LRRFIP2: variants seen among roughly 807,000 people sequenced by gnomAD.
The protein encoded by LRRFIP2 is leucine-rich repeat flightless-interacting protein 2.
Under a neutral mutation model 125.9 loss-of-function variants are expected in LRRFIP2, and 109 were observed. The observed-to-expected ratio is 0.87, with a 90% CI of 0.74 to 1.01. The LOEUF is 1.01. Among genes scored for constraint, LRRFIP2 ranks in the 50% least tolerant of loss-of-function variants. The probability of loss-of-function intolerance (pLI) is 0.00; values close to 1 mark genes in which losing one functional copy is unlikely to be tolerated. For synonymous variants in LRRFIP2, 291 were observed against 293.1 expected, an observed-to-expected ratio of 0.99 and a Z score of 0.07; for missense variants, 850 against 862.3, an observed-to-expected ratio of 0.99 and a Z score of 0.18.
At chr3:37,078,537 G>T (rs1428763300) in intron 19 of LRRFIP2, among the ~76,000 whole-genome samples, 1 of 152,126 alleles carries the variant, frequency 6.6e-6, no homozygotes, top group Non-Finnish European at 1.5e-5. Context: ...TAAGACAGAA[G>T]AGGTTAAATA....
chr3:37,150,707 C>T (rs1038794988), intron 1 of LRRFIP2, among the ~76,000 whole-genome samples: 8 of 152,020 alleles, frequency 5.3e-5, no homozygotes, highest in Non-Finnish European at 8.8e-5. Context: ...CTAAATATTC[C>T]ATAACTTAAA....
At chr3:37,063,681 C>A in intron 24 of LRRFIP2, 61 bp downstream of exon 24, 1 of 1,182,474 alleles carries the variant, frequency 8.5e-7, no homozygotes, top group Non-Finnish European at 1.3e-6. Flanking sequence ...TTTCAATTAG[C>A]CAGTATTTTA....
chr3:37,173,848 G>C (rs1578189182), intron 1 of LRRFIP2, among the ~76,000 whole-genome samples: 1 of 152,204 alleles, frequency 6.6e-6, no homozygotes, highest in East Asian at 1.9e-4. Context: ...GAGAGACAGA[G>C]ATACTTTGCC....
In LRRFIP2 at chr3:37,075,046, C is replaced by T. The variant is rs756084177; in HGVS notation, c.1349G>A (p.Arg450Gln). ...TACCTCAATAAGCTCATCTCTTTGC[C>T]GCAGGCCTTCTTTAAGTTCTTCCAT... ...HKMEELKEGL[R>Q]QRDELIEEKQ... The change falls in exon 20 of 28, where the codon CGG becomes CAG. Residue 450 changes from arginine to glutamine, a missense_variant. Coordinates refer to ENST00000336686, the MANE Select transcript of LRRFIP2 (RefSeq NM_006309.4). 35 of 1,612,488 alleles carry T rather than the reference C, an allele frequency of 2.2e-5. No homozygotes were observed. Among genetic ancestry groups the T allele is most frequent in the Middle Eastern group, 1.6e-4 (1 of 6,080 alleles).
chr3:37,101,140 G>A (rs915363101), intron 15 of LRRFIP2, among the ~76,000 whole-genome samples: 3 of 151,586 alleles, frequency 2.0e-5, no homozygotes, highest in African/African-American at 7.3e-5. Flanking sequence ...GGTGGACCAT[G>A]AGGTCAGGAG....
intron 8 of LRRFIP2, among the ~76,000 whole-genome samples, chr3:37,112,456 T>C (rs1371221450): frequency 6.6e-6 from 1 of 151,370 alleles, no homozygotes; most frequent in East Asian, 1.9e-4. Context: ...GGTTAAAGAG[T>C]TTTCAGCAAG....
chr3:37,105,402 C>T (rs2094267959), intron 14 of LRRFIP2, 53 bp downstream of exon 14: 6 of 1,373,122 alleles, frequency 4.4e-6, no homozygotes, highest in East Asian at 4.6e-5. Flanking sequence ...TGTGATCATG[C>T]ATTGCTGTCA....
At chr3:37,129,266 T>C (rs2095364473) in intron 2 of LRRFIP2, 117 bp from the exon 3 acceptor site, 2 of 763,890 alleles carry the variant, frequency 2.6e-6, no homozygotes, top group East Asian at 2.5e-5. Context: ...GGAGAAGATA[T>C]TATCTATCAG....
chr3:37,161,994 A>C (rs1479597823), intron 1 of LRRFIP2, among the ~76,000 whole-genome samples: 1 of 151,572 alleles, frequency 6.6e-6, no homozygotes, highest in Non-Finnish European at 1.5e-5. Flanking sequence ...CCTGGACAAC[A>C]TGGCAAAACC....
intron 21 of LRRFIP2, among the ~76,000 whole-genome samples, chr3:37,070,717 G>C (rs1466164588): frequency 6.6e-6 from 1 of 152,092 alleles, no homozygotes; most frequent in African/African-American, 2.4e-5. Context: ...GGGAGAGAGA[G>C]AGATTCCATC....
chr3:37,053,896 C>T lies in LRRFIP2; in HGVS notation c.2121G>A (p.Leu707=), dbSNP rs2086045977. 1 of 1,614,174 alleles carries T rather than the reference C, an allele frequency of 6.2e-7. No homozygotes were observed. Among genetic ancestry groups the T allele is most frequent in the Middle Eastern group, 1.7e-4 (1 of 6,058 alleles). ...EMTNSHLAKR[L]EKMKANRTAL... is the part of the protein sequence containing the mutation. Reference sequence around the variant, plus strand: ...CTGTCCTATTGGCCTTCATCTTCTCCAGCCGCTTGGCCAGGTGGCTGTTGG... The same window carrying T: ...CTGTCCTATTGGCCTTCATCTTCTCTAGCCGCTTGGCCAGGTGGCTGTTGG... Residue 707 remains leucine, a synonymous_variant, in exon 28 of 28, where the codon CTG becomes CTA. Coordinates refer to ENST00000336686, the MANE Select transcript of LRRFIP2 (RefSeq NM_006309.4).
chr3:37,114,820 C>CCAATCCTA (rs2094706652), intron 7 of LRRFIP2, among the ~76,000 whole-genome samples: 1 of 151,626 alleles, frequency 6.6e-6, no homozygotes, highest in South Asian at 2.1e-4. Context: ...GATATTACTA[C>CCAATCCTA]CAATCCTAGT....
chr3:37,129,308 T>C (rs2095366273), intron 2 of LRRFIP2, among the ~76,000 whole-genome samples, 159 bp from the exon 3 acceptor site: 1 of 152,230 alleles, frequency 6.6e-6, no homozygotes, highest in African/African-American at 2.4e-5. Flanking sequence ...TTTAATCAAC[T>C]CTTATAAACT....
intron 1 of LRRFIP2, among the ~76,000 whole-genome samples, chr3:37,166,367 C>A (rs960396129): frequency 2.8e-4 from 42 of 151,882 alleles, no homozygotes; most frequent in Admixed American, 1.7e-3. Flanking sequence ...AAAATAAAAA[C>A]AAAACTGTGT....
chr3:37,160,732 T>A (rs1490396884), intron 1 of LRRFIP2, among the ~76,000 whole-genome samples: 1 of 149,838 alleles, frequency 6.7e-6, no homozygotes, highest in Non-Finnish European at 1.5e-5. Flanking sequence ...TGAGCCGAGA[T>A]CACGCCATTG....
chr3:37,075,068 C>T lies in LRRFIP2; in HGVS notation c.1327G>A (p.Glu443Lys), dbSNP rs1276038453. 6.2e-7 allele frequency: 1 copy of T among 1,612,850 alleles called. No individual in the cohort carries two copies. The highest frequency in any genetic ancestry group is 2.2e-5 in the East Asian group (1 of 44,834). The change falls in exon 20 of 28, where the codon GAA (glutamate) becomes AAA (lysine). Residue 443 changes from glutamate (E) to lysine (K), a missense_variant. Transcript: ENST00000336686. ...HMCSVLQHKM[E>K]ELKEGLRQRD... ...TGCCGCAGGCCTTCTTTAAGTTCTT[C>T]CATCTTATGCTGCAGCACACTACAC... is the stretch of plus-strand genomic sequence containing the variant.
intron 2 of LRRFIP2, among the ~76,000 whole-genome samples, chr3:37,142,384 C>T (rs567620497): frequency 2.0e-5 from 3 of 152,182 alleles, no homozygotes; most frequent in South Asian, 2.1e-4. Flanking sequence ...TCACACAATC[C>T]GCCCACCTCG....
chr3:37,172,675 T>C (rs1430609450), intron 1 of LRRFIP2: 2 of 152,198 alleles, frequency 1.3e-5, no homozygotes, highest in East Asian at 3.8e-4. Flanking sequence ...TCCCTACCAC[T>C]AGGCTAAAAC....
At chr3:37,121,915 CTTTCT>C (rs1167774342) in intron 4 of LRRFIP2, among the ~76,000 whole-genome samples, 18 of 145,476 alleles carry the variant, frequency 1.2e-4, no homozygotes, top group Admixed American at 2.1e-4. Flanking sequence ...TACTAGTTTT[CTTTCT>C]TTTTTTTTTT....
Sources: gnomAD v4.1 joint callset for allele counts (sites outside exome capture counted in the v4.1 genomes callset) on GRCh38, gnomAD v4.1.1 for gene constraint, MANE v1.5 for transcripts, NCBI Gene and HGNC (gene_info 2026-07-23, HGNC 2026-07-21) for gene names.